Variants in JMJD1C observed in about 807,000 individuals in gnomAD.
JMJD1C encodes jumonji domain-containing protein 1C.
JMJD1C carries 31 observed loss-of-function variants against 245.3 expected under a neutral mutation model. That is an observed-to-expected ratio of 0.13 (90% CI 0.09 to 0.17). The LOEUF (loss-of-function observed/expected upper bound fraction) is 0.17. Among genes scored for constraint, JMJD1C ranks in the 10% least tolerant of loss-of-function variants. The pLI is 1.00. For synonymous variants in JMJD1C, 1,057 were observed against 1,017.4 expected (o/e 1.04, Z -0.74); for missense variants, 2,691 against 3,000.2 (o/e 0.90, Z 2.41).
intron 14 of JMJD1C, 60 bp from the exon 15 acceptor site, chr10:63,193,532 T>G: frequency 7.9e-7 from 1 of 1,265,594 alleles, no homozygotes; most frequent in Non-Finnish European, 1.1e-6. Context: ...GCTGTAAAAT[T>G]TTTTTCTTAC....
chr10:63,514,879 T>C (rs1017778702), intron 1 of JMJD1C, among the ~76,000 whole-genome samples: 6 of 152,242 alleles, frequency 3.9e-5, no homozygotes, highest in Non-Finnish European at 8.8e-5. Context: ...TTTGGTCTCC[T>C]CAAACTACAG....
chr10:63,240,594 C>T (rs1851361519), intron 3 of JMJD1C, among the ~76,000 whole-genome samples: 1 of 152,068 alleles, frequency 6.6e-6, no homozygotes, highest in Non-Finnish European at 1.5e-5. Context: ...TATAACGGTT[C>T]ACATTATAAG....
rs1166721473 is a variant in JMJD1C at position 63,486,137 on chromosome 10, T to TAAAAAAAA, written n.113+35593_113+35600dup. On this transcript the variant is annotated intron_variant and non_coding_transcript_variant, in intron 1 of 3. Coordinates refer to the JMJD1C transcript ENST00000633035. ...GAAAGTAAAGGGCTTCAAGCAATTGTAAAAAAAAAAAAAAAAAAAAAAAAA... is the reference window on the plus strand; with the variant it reads ...GAAAGTAAAGGGCTTCAAGCAATTGTAAAAAAAAAAAAAAAAAAAAAAAAAAAAAAAAA... Among the ~76,000 whole-genome samples the TAAAAAAAA allele has an allele frequency of 1.4e-3, 102 of 73,268 alleles. 1 individual carries two copies. The highest frequency in any genetic ancestry group is 7.4e-3 in the African/African-American group (91 of 12,298). The allele number at this position is 73,268 out of a possible 152,430, so 48.1% of individuals were successfully genotyped here. A position where few individuals can be genotyped will look rare whatever the true frequency, so the allele number is the denominator to read the frequency against.
intron 1 of JMJD1C, among the ~76,000 whole-genome samples, chr10:63,409,649 G>A (rs1478952418): frequency 6.6e-6 from 1 of 152,180 alleles, no homozygotes. Flanking sequence ...GATTGTAAAT[G>A]ACATTATCAG....
chr10:63,177,472 T>C, intron 23 of JMJD1C: 1 of 471,762 alleles, frequency 2.1e-6, no homozygotes, highest in Non-Finnish European at 3.8e-6. Context: ...CAGTCTTTTA[T>C]TAACAGGGAA....
At chr10:63,370,183 A>G (rs1479800191) in intron 2 of JMJD1C, among the ~76,000 whole-genome samples, 2 of 152,166 alleles carry the variant, frequency 1.3e-5, no homozygotes, top group African/African-American at 4.8e-5. Flanking sequence ...TAATTCGTAT[A>G]CTTTCTCTGC....
intron 16 of JMJD1C, 76 bp downstream of exon 16, chr10:63,192,862 T>C (rs1377311798): frequency 1.8e-6 from 2 of 1,109,864 alleles, no homozygotes; most frequent in African/African-American, 1.5e-5. Context: ...AACAGTACTT[T>C]ATTGTACAAT....
chr10:63,261,418 T>C (rs558848610), intron 3 of JMJD1C, among the ~76,000 whole-genome samples: 1 of 152,064 alleles, frequency 6.6e-6, no homozygotes, highest in Admixed American at 6.6e-5. Flanking sequence ...CCATCTCTAC[T>C]GAAAATACAA....
chr10:63,431,205 T>C (rs1260651476), intron 1 of JMJD1C, among the ~76,000 whole-genome samples: 1 of 152,184 alleles, frequency 6.6e-6, no homozygotes, highest in African/African-American at 2.4e-5. Context: ...ATAACATATA[T>C]TGACTTACAA....
At chr10:63,238,006 T>TAAAAAA (rs35736445) in intron 3 of JMJD1C, among the ~76,000 whole-genome samples, 5 of 27,616 alleles carry the variant, frequency 1.8e-4, no homozygotes, top group African/African-American at 8.1e-4. Flanking sequence ...CCGTCTCTAC[T>TAAAAAA]AAAAAAAAAA....
intron 3 of JMJD1C, among the ~76,000 whole-genome samples, chr10:63,224,607 A>G (rs1004961428): frequency 6.6e-6 from 1 of 152,228 alleles, no homozygotes; most frequent in Admixed American, 6.5e-5. Context: ...ACTGACTTGA[A>G]TAATTTTGTA....
At chr10:63,457,660 G>C (rs927810594) in intron 1 of JMJD1C, among the ~76,000 whole-genome samples, 5 of 152,222 alleles carry the variant, frequency 3.3e-5, no homozygotes, top group African/African-American at 1.2e-4. Context: ...AATGAAGAAA[G>C]AGAAAGGGCT....
intron 1 of JMJD1C, among the ~76,000 whole-genome samples, chr10:63,506,030 G>GAAGGATTTCTATTAAATA (rs1350827886): frequency 2.5e-4 from 38 of 152,100 alleles, no homozygotes. Context: ...CTATTTAATA[G>GAAGGATTTCTATTAAATA]CTGCTAATTT....
intron 1 of JMJD1C, among the ~76,000 whole-genome samples, chr10:63,407,816 CAAACAAAAAAAA>C (rs1180061794): frequency 8.1e-6 from 1 of 123,308 alleles, no homozygotes; most frequent in African/African-American, 3.0e-5. Context: ...TCTGGAGAAA[CAAACAAAAAAAA>C]AAACAGAAAA....
chr10:63,192,976 G>A lies in JMJD1C; in HGVS notation c.6038C>T (p.Ala2013Val). 6.2e-7 allele frequency: 1 copy of A among 1,613,830 alleles called. No homozygotes were observed. The highest frequency in any genetic ancestry group is 8.5e-7 in the Non-Finnish European group (1 of 1,179,958). Residue 2013 changes from alanine to valine, a missense_variant, in exon 16 of 26, where the codon GCA (alanine) becomes GTA (valine). Physicochemically the swap from Ala to Val is moderately conservative, Grantham distance 64 (BLOSUM62 0). Around this residue, in one of 9 missense-constraint regions of JMJD1C, gnomAD observed 275 missense variants for 285.5 expected, o/e 0.96. Transcript: ENST00000399262. ...TCTGGCTTTTTGCTCTGCAAGATCT[G>A]CTAACCAGTGCAGTGGTGACTGGGA... The part of the protein sequence containing the change: ...PESQSPLHWL[A>V]DLAEQKAREE...
chr10:63,506,066 ATTTC>A (rs1933980373), intron 1 of JMJD1C, among the ~76,000 whole-genome samples: 1 of 152,126 alleles, frequency 6.6e-6, no homozygotes, highest in Non-Finnish European at 1.5e-5. Context: ...TTTTATCTGG[ATTTC>A]TTTAATAATC....
At chr10:63,412,584 C>A (rs1366559221) in intron 1 of JMJD1C, among the ~76,000 whole-genome samples, 1 of 152,082 alleles carries the variant, frequency 6.6e-6, no homozygotes, top group African/African-American at 2.4e-5. Flanking sequence ...ACAGCATGTA[C>A]TAAAGTTAAT....
intron 2 of JMJD1C, among the ~76,000 whole-genome samples, chr10:63,343,839 A>C (rs1271965500): frequency 6.6e-6 from 1 of 152,016 alleles, no homozygotes; most frequent in Non-Finnish European, 1.5e-5. Flanking sequence ...GCAGTTCAAG[A>C]CCGGCCTGGG....
At chr10:63,521,630 G>T in intron 1 of JMJD1C, 1 of 1,300,634 alleles carries the variant, frequency 7.7e-7, no homozygotes, top group African/African-American at 1.6e-5. Context: ...GGGGAGCTGT[G>T]GGAAGGGGAA....
Sources: allele counts gnomAD v4.1 joint callset (sites outside exome capture counted in the v4.1 genomes callset), GRCh38; gene constraint gnomAD v4.1.1; regional missense constraint gnomAD v4.1.1; transcripts MANE v1.5; gene names NCBI Gene and HGNC (gene_info 2026-07-23, HGNC 2026-07-21).